The following SLC66A2 variants were observed in gnomAD, a reference collection of about 807,000 sequenced individuals.
SLC66A2 encodes the protein solute carrier family 66 member 2, also known as PQ loop repeat containing 1.
Under a neutral mutation model 25.5 loss-of-function variants are expected in SLC66A2, and 23 were observed. The ratio of observed to expected loss-of-function variants is 0.90; its 90% CI spans 0.65 to 1.28. The LOEUF (loss-of-function observed/expected upper bound fraction) is 1.28, where lower values mean the gene tolerates loss of function less well. Among genes scored for constraint, SLC66A2 ranks in the 50% most tolerant of loss-of-function variants. The probability of loss-of-function intolerance (pLI) is 0.00; values close to 1 mark genes in which losing one functional copy is unlikely to be tolerated. For missense variants in SLC66A2, 396 were observed against 373.1 expected (o/e 1.06, Z -0.51); for synonymous variants, 193 against 166.5 (o/e 1.16, Z -1.23).
At chr18:79,939,435 A>G (rs571374584) in intron 3 of SLC66A2, among the ~76,000 whole-genome samples, 7 of 152,356 alleles carry the variant, frequency 4.6e-5, no homozygotes, top group African/African-American at 1.7e-4. Flanking sequence ...AGAAACTATC[A>G]ACAGAGCAAA....
At position 79,909,202 on chromosome 18, in the gene SLC66A2, C is replaced by T. The variant is rs934527246; in HGVS notation, c.609-5019G>A. Among the ~76,000 whole-genome samples, 5 of 152,304 alleles carry T rather than the reference C, an allele frequency of 3.3e-5. No individual in the cohort carries two copies. In the South Asian group the frequency reaches 1.0e-3, roughly 32 times the overall value. On this transcript the variant is annotated intron_variant, in intron 5 of 5. Transcript: ENST00000397778. ...GGTGGACTGCAGTTCAATTTAATTC[C>T]ATTTCAAAACCTCCCTTTTGATCTT... is the stretch of plus-strand genomic sequence containing the variant.
chr18:79,935,991 C>G (rs1045456886), intron 3 of SLC66A2, among the ~76,000 whole-genome samples: 1 of 152,174 alleles, frequency 6.6e-6, no homozygotes, highest in Non-Finnish European at 1.5e-5. Flanking sequence ...TGTGGAGTAG[C>G]CAAAGAGACT....
In SLC66A2 at chr18:79,903,851, AC is replaced by A; in HGVS notation, c.*124del. 8 of 768,716 alleles carry A rather than the reference AC, an allele frequency of 1.0e-5. No individual in the cohort carries two copies. The South Asian group carries it at 1.4e-4, about 14-fold the overall frequency. 47.6% of individuals were successfully genotyped at this position (768,716 alleles called of 1,614,324 possible). On this transcript the variant is annotated 3_prime_UTR_variant, in exon 6 of 6. Coordinates refer to ENST00000397778, the MANE Select transcript of SLC66A2 (RefSeq NM_025078.5). ...AGACACCCCACAGAGGCTGATGGAG[AC>A]CCCAATGCCCATGCCCCATCTCTGC...
Position 79,918,590 on chromosome 18 carries a change from C to T in SLC66A2, c.608+594G>A, listed in dbSNP as rs1984570390. On this transcript the variant is annotated intron_variant, in intron 5 of 5. Coordinates refer to ENST00000397778, the MANE Select transcript of SLC66A2 (RefSeq NM_025078.5). The surrounding 1 kb of genome is among the most constrained non-coding windows in gnomAD (Gnocchi z 4.0). ...GTTTTTATTACAATGCAGTTTCCATCCAGGACCTTGACTGAGCCCGTGGGC... is the reference window on the plus strand; with the variant it reads ...GTTTTTATTACAATGCAGTTTCCATTCAGGACCTTGACTGAGCCCGTGGGC... Among the ~76,000 whole-genome samples, 1 of 152,248 alleles carries T rather than the reference C, an allele frequency of 6.6e-6. No homozygotes were observed.
rs62101183 is a variant in SLC66A2 at position 79,915,979 on chromosome 18, T to C, written c.608+3205A>G. ...GGTTCCAGGGTGCTAACTCCCACAG[T>C]GCTTCTGTACCCGCGGTGCTCTCAT... On this transcript the variant is annotated intron_variant, in intron 5 of 5. Coordinates refer to ENST00000397778, the MANE Select transcript of SLC66A2 (RefSeq NM_025078.5). 3.7e-3 allele frequency: 516 copies of C among 140,860 alleles called. 1 individual carries two copies. The highest frequency in any genetic ancestry group is 5.9e-3 in the Non-Finnish European group (372 of 63,188). 8.7% of individuals were successfully genotyped at this position (140,860 alleles called of 1,614,324 possible). A position where few individuals can be genotyped will look rare whatever the true frequency, so the allele number is the denominator to read the frequency against.
chr18:79,942,237 C>T (rs1987737005), intron 3 of SLC66A2, among the ~76,000 whole-genome samples: 1 of 152,210 alleles, frequency 6.6e-6, no homozygotes, highest in Non-Finnish European at 1.5e-5. Flanking sequence ...AGAGCAGAGA[C>T]TCAGAGGAGA....
intron 2 of SLC66A2, 35 bp downstream of exon 2, chr18:79,950,689 C>G: frequency 6.2e-7 from 1 of 1,606,192 alleles, no homozygotes; most frequent in Non-Finnish European, 8.5e-7. Context: ...CCCTCTTCTC[C>G]GGGTGCAGCC....
chr18:79,932,193 T>C (rs1332416523), intron 4 of SLC66A2, among the ~76,000 whole-genome samples: 3 of 152,054 alleles, frequency 2.0e-5, no homozygotes, highest in Non-Finnish European at 4.4e-5. Context: ...TACTTTTAGG[T>C]GCATGAAAAC....
intron 5 of SLC66A2, among the ~76,000 whole-genome samples, chr18:79,907,238 A>G (rs745526768): frequency 1.3e-5 from 2 of 150,588 alleles, no homozygotes; most frequent in African/African-American, 2.4e-5. Context: ...GCTTGTCCCT[A>G]CGGTTTTATT....
At chr18:79,923,430 G>C (rs1985538818) in intron 4 of SLC66A2, among the ~76,000 whole-genome samples, 3 of 152,090 alleles carry the variant, frequency 2.0e-5, no homozygotes. Flanking sequence ...GGGTTTAAGA[G>C]ACTTGGGAAA....
At chr18:79,928,092 C>T (rs144370424) in intron 4 of SLC66A2, among the ~76,000 whole-genome samples, 118 of 152,340 alleles carry the variant, frequency 7.7e-4, no homozygotes, top group Non-Finnish European at 1.3e-3. Flanking sequence ...GCTGTCACCG[C>T]GGCCAAGGGA....
chr18:79,909,463 C>T (rs1419493368), intron 5 of SLC66A2, among the ~76,000 whole-genome samples: 1 of 151,720 alleles, frequency 6.6e-6, no homozygotes, highest in Middle Eastern at 3.2e-3. Context: ...TCCCCACAAC[C>T]TCACCAGAGT....
intron 5 of SLC66A2, among the ~76,000 whole-genome samples, chr18:79,908,725 A>T (rs1982498472): frequency 6.6e-6 from 1 of 152,206 alleles, no homozygotes; most frequent in Non-Finnish European, 1.5e-5. Context: ...TTCAGAATGG[A>T]CATTTTTTAA....
At chr18:79,914,886 C>G (rs558707075) in intron 5 of SLC66A2, among the ~76,000 whole-genome samples, 63 of 152,378 alleles carry the variant, frequency 4.1e-4, no homozygotes, top group African/African-American at 1.5e-3. Flanking sequence ...CCCAGGCTGC[C>G]AGGTGGCGTC....
intron 5 of SLC66A2, among the ~76,000 whole-genome samples, chr18:79,916,237 G>A (rs1266460309): frequency 3.0e-5 from 3 of 99,356 alleles, no homozygotes; most frequent in East Asian, 4.0e-4. Flanking sequence ...CGGCACTCCC[G>A]TACCCGTGGT....
intron 4 of SLC66A2, among the ~76,000 whole-genome samples, chr18:79,929,455 C>T (rs1021424108): frequency 1.4e-4 from 21 of 152,176 alleles, no homozygotes; most frequent in African/African-American, 5.1e-4. Flanking sequence ...TCATCCTTCC[C>T]CCAAGTGGGG....
intron 4 of SLC66A2, among the ~76,000 whole-genome samples, chr18:79,929,285 C>G: frequency 6.6e-6 from 1 of 152,168 alleles, no homozygotes; most frequent in East Asian, 1.9e-4. Flanking sequence ...CAGCCAGCAG[C>G]CATCAATGAG....
At chr18:79,908,145 C>T (rs1175713814) in intron 5 of SLC66A2, among the ~76,000 whole-genome samples, 2 of 152,080 alleles carry the variant, frequency 1.3e-5, no homozygotes, top group African/African-American at 4.8e-5. Context: ...ATTATATTTA[C>T]CCAGATATTG....
chr18:79,929,158 G>A (rs1212241625), intron 4 of SLC66A2, among the ~76,000 whole-genome samples: 2 of 152,224 alleles, frequency 1.3e-5, no homozygotes, highest in African/African-American at 2.4e-5. Context: ...TTATCAAACA[G>A]AACCAGAAAG....
Sources: gnomAD v4.1 joint callset for allele counts (sites outside exome capture counted in the v4.1 genomes callset) on GRCh38, gnomAD v4.1.1 for gene constraint, Gnocchi (gnomAD v3.1) non-coding constraint, MANE v1.5 for transcripts, NCBI Gene and HGNC (gene_info 2026-07-23, HGNC 2026-07-21) for gene names.